The following ZFHX3 variants were observed in gnomAD, a reference collection of about 807,000 sequenced individuals.
ZFHX3 encodes the protein zinc finger homeobox 3.
Under a neutral mutation model 279.1 loss-of-function variants are expected in ZFHX3, and 42 were observed. That is an observed-to-expected ratio of 0.15 (90% CI 0.12 to 0.19). The LOEUF (loss-of-function observed/expected upper bound fraction) is 0.19. Among genes scored for constraint, ZFHX3 ranks in the 10% least tolerant of loss-of-function variants. The pLI is 1.00. For synonymous variants in ZFHX3, 2,293 were observed against 1,957.8 expected, an observed-to-expected ratio of 1.17 and a Z score of -4.52; for missense variants, 4,981 against 4,754.0, an observed-to-expected ratio of 1.05 and a Z score of -1.40.
At chr16:73,046,762 C>T (rs1196140336) in intron 1 of ZFHX3, among the ~76,000 whole-genome samples, 1 of 152,156 alleles carries the variant, frequency 6.6e-6, no homozygotes, top group Admixed American at 6.5e-5. Flanking sequence ...AGGCTTTGCC[C>T]TGGTGCATTC....
chr16:73,648,946 C>T (rs2052645839), intron 2 of ZFHX3, among the ~76,000 whole-genome samples: 1 of 152,070 alleles, frequency 6.6e-6, no homozygotes, highest in African/African-American at 2.4e-5. Flanking sequence ...TTTTCTAGGG[C>T]TTTTAAGTGC....
At chr16:73,863,986 C>G (rs540562564) in intron 1 of ZFHX3, among the ~76,000 whole-genome samples, 1 of 152,166 alleles carries the variant, frequency 6.6e-6, no homozygotes, top group African/African-American at 2.4e-5. Flanking sequence ...TCAAAACTTA[C>G]GAATAGTAAT....
At chr16:73,546,735 T>G (rs1230269739) in intron 2 of ZFHX3, among the ~76,000 whole-genome samples, 1 of 145,140 alleles carries the variant, frequency 6.9e-6, no homozygotes, top group Non-Finnish European at 1.5e-5. Flanking sequence ...CTGCTGCTGC[T>G]GTTGCTTCTT....
chr16:73,175,299 G>C (rs535452293), intron 5 of ZFHX3, among the ~76,000 whole-genome samples: 1 of 152,208 alleles, frequency 6.6e-6, no homozygotes, highest in East Asian at 1.9e-4. Flanking sequence ...AGAATCACTT[G>C]AACCCAGGAG....
At chr16:73,811,914 T>A (rs1425507891) in intron 1 of ZFHX3, among the ~76,000 whole-genome samples, 1 of 152,204 alleles carries the variant, frequency 6.6e-6, no homozygotes, top group African/African-American at 2.4e-5. Context: ...TAGTTGAATG[T>A]TTCTGTGTGT....
At chr16:73,794,096 G>A (rs1238794642) in intron 1 of ZFHX3, 1 of 152,220 alleles carries the variant, frequency 6.6e-6, no homozygotes, top group Non-Finnish European at 1.5e-5. Context: ...GTCCTCGCCT[G>A]CTCTCCAACC....
At chr16:73,415,632 T>C (rs1421542574) in intron 3 of ZFHX3, among the ~76,000 whole-genome samples, 7 of 152,186 alleles carry the variant, frequency 4.6e-5, no homozygotes. Flanking sequence ...GTATCCCCAG[T>C]GCTTGTAAAA....
At chr16:73,586,612 C>T (rs1392155758) in intron 2 of ZFHX3, among the ~76,000 whole-genome samples, 1 of 152,036 alleles carries the variant, frequency 6.6e-6, no homozygotes, top group African/African-American at 2.4e-5. Context: ...CTTCATGACA[C>T]AGCCTCATAT....
At chr16:72,812,083 C>G in intron 5 of ZFHX3, 45 bp from the exon 6 acceptor site, 1 of 1,602,884 alleles carries the variant, frequency 6.2e-7, no homozygotes, top group Admixed American at 1.7e-5. Flanking sequence ...CAGACCAGGC[C>G]AGCTCCCAGA....
chr16:73,656,985 CAG>C (rs1246019565), intron 2 of ZFHX3, among the ~76,000 whole-genome samples: 1 of 152,204 alleles, frequency 6.6e-6, no homozygotes, highest in Non-Finnish European at 1.5e-5. Flanking sequence ...AGTGTTAACA[CAG>C]AAATTCCACT....
At chr16:73,867,995 G>T (rs757509406) in intron 1 of ZFHX3, among the ~76,000 whole-genome samples, 1 of 152,064 alleles carries the variant, frequency 6.6e-6, no homozygotes. Context: ...TGGGTGCCAG[G>T]CTTCCTTCTT....
chr16:73,422,168 A>G (rs2017729956), intron 3 of ZFHX3, among the ~76,000 whole-genome samples: 1 of 151,120 alleles, frequency 6.6e-6, no homozygotes, highest in Non-Finnish European at 1.5e-5. Context: ...AAGATAATTC[A>G]TGGAAATAAA....
At chr16:73,787,986 G>T (rs1187271463) in intron 1 of ZFHX3, among the ~76,000 whole-genome samples, 1 of 152,092 alleles carries the variant, frequency 6.6e-6, no homozygotes, top group Non-Finnish European at 1.5e-5. Flanking sequence ...TTTAACAAAG[G>T]GACTGTTTGC....
intron 2 of ZFHX3, 30 bp downstream of exon 2, chr16:72,957,397 G>A: frequency 6.4e-7 from 1 of 1,567,688 alleles, no homozygotes; most frequent in Non-Finnish European, 8.6e-7. Context: ...CTCCTATCAT[G>A]AAAACAGACA....
chr16:73,505,370 G>C (rs1352370393), intron 2 of ZFHX3, among the ~76,000 whole-genome samples: 3 of 151,986 alleles, frequency 2.0e-5, no homozygotes, highest in Non-Finnish European at 4.4e-5. Flanking sequence ...TGAACAGTAG[G>C]GCTGACCACT....
At chr16:73,693,393 C>A (rs562465214) in intron 1 of ZFHX3, among the ~76,000 whole-genome samples, 1 of 151,978 alleles carries the variant, frequency 6.6e-6, no homozygotes, top group Non-Finnish European at 1.5e-5. Flanking sequence ...AGCCTGTTTG[C>A]TGTTTATTAT....
At chr16:72,791,863 A>G (rs1163440149) in intron 9 of ZFHX3, among the ~76,000 whole-genome samples, 1 of 152,224 alleles carries the variant, frequency 6.6e-6, no homozygotes, top group Non-Finnish European at 1.5e-5. Flanking sequence ...CAGTGGCCTT[A>G]TGTTTGGTAA....
intron 7 of ZFHX3, among the ~76,000 whole-genome samples, chr16:73,110,537 C>G (rs1966360328): frequency 6.6e-6 from 1 of 152,134 alleles, no homozygotes; most frequent in Admixed American, 6.5e-5. Context: ...TTTCCATACA[C>G]TCTTTACACA....
intron 2 of ZFHX3, among the ~76,000 whole-genome samples, chr16:73,497,109 A>G (rs2019154835): frequency 6.6e-6 from 1 of 152,296 alleles, no homozygotes; most frequent in South Asian, 2.1e-4. Flanking sequence ...AACTAAACCC[A>G]TATTAACTTT....
Sources: allele counts gnomAD v4.1 joint callset (sites outside exome capture counted in the v4.1 genomes callset), GRCh38; gene constraint gnomAD v4.1.1; transcripts MANE v1.5; gene names NCBI Gene and HGNC (gene_info 2026-07-23, HGNC 2026-07-21).